LIPK: variants seen among roughly 807,000 people sequenced by gnomAD.
LIPK encodes the protein lipase family member K.
LIPK carries 32 observed loss-of-function variants against 48.6 expected under a neutral mutation model. That is an observed-to-expected ratio of 0.66 (90% confidence interval 0.50 to 0.88). The LOEUF (loss-of-function observed/expected upper bound fraction) is 0.88, where lower values mean the gene tolerates loss of function less well. Among genes scored for constraint, LIPK ranks in the 40% least tolerant of loss-of-function variants. The probability of loss-of-function intolerance (pLI) is 0.00; values close to 1 mark genes in which losing one functional copy is unlikely to be tolerated. For synonymous variants in LIPK, 164 were observed against 157.4 expected (o/e 1.04, Z -0.32); for missense variants, 507 against 478.5 (o/e 1.06, Z -0.56).
intron 9 of LIPK, among the ~76,000 whole-genome samples, chr10:88,748,288 G>A (rs1842804403): frequency 6.6e-6 from 1 of 152,108 alleles, no homozygotes; most frequent in South Asian, 2.1e-4. Context: ...GCGAGGGAAG[G>A]GAACTTAGAG....
At chr10:88,739,741 C>T (rs2134766500) in intron 7 of LIPK, among the ~76,000 whole-genome samples, 1 of 152,110 alleles carries the variant, frequency 6.6e-6, no homozygotes, top group South Asian at 2.1e-4. Flanking sequence ...CACCTGTAGT[C>T]CTAGCTACTC....
At chr10:88,731,242 C>T (rs1277196829) in intron 4 of LIPK, 61 bp downstream of exon 4, 1 of 1,302,846 alleles carries the variant, frequency 7.7e-7, no homozygotes, top group Non-Finnish European at 1.0e-6. Context: ...GTATGAACAC[C>T]TAGTGATTTT....
intron 6 of LIPK, among the ~76,000 whole-genome samples, chr10:88,732,965 G>T (rs1842498123): frequency 6.6e-6 from 1 of 152,164 alleles, no homozygotes; most frequent in African/African-American, 2.4e-5. Context: ...GGTAAATTTG[G>T]TCAAGACCTT....
At chr10:88,740,250 G>A (rs1037657660) in intron 8 of LIPK, among the ~76,000 whole-genome samples, 183 bp downstream of exon 8, 2 of 152,184 alleles carry the variant, frequency 1.3e-5, no homozygotes, top group African/African-American at 4.8e-5. Context: ...TGTCCTCAGT[G>A]TCTGGGTTTT....
intron 9 of LIPK, among the ~76,000 whole-genome samples, chr10:88,745,822 T>A (rs1361555403): frequency 6.6e-6 from 1 of 152,158 alleles, no homozygotes; most frequent in African/African-American, 2.4e-5. Context: ...TCACTTAAAA[T>A]GCAAAGAGTT....
intron 1 of LIPK, among the ~76,000 whole-genome samples, chr10:88,711,500 T>C (rs1038950208): frequency 1.3e-5 from 2 of 152,180 alleles, no homozygotes; most frequent in Non-Finnish European, 2.9e-5. Context: ...TTTGAGACAG[T>C]CTCACTCTAT....
intron 9 of LIPK, among the ~76,000 whole-genome samples, chr10:88,748,201 G>C (rs1347419664): frequency 6.6e-6 from 1 of 152,152 alleles, no homozygotes; most frequent in Admixed American, 6.5e-5. Flanking sequence ...ACTCATAAGT[G>C]GGAGTTGAAC....
At chr10:88,720,647 A>C (rs969230304) in intron 1 of LIPK, among the ~76,000 whole-genome samples, 5 of 152,168 alleles carry the variant, frequency 3.3e-5, no homozygotes, top group Non-Finnish European at 7.4e-5. Flanking sequence ...TATAGCATTT[A>C]TATAAGTGTA....
At chr10:88,744,133 CCCTGTCTGCTGG>C (rs374094864) in intron 9 of LIPK, among the ~76,000 whole-genome samples, 28 of 152,324 alleles carry the variant, frequency 1.8e-4, no homozygotes, top group African/African-American at 6.5e-4. Flanking sequence ...CTGAGCACAT[CCCTGTCTGCTGG>C]CCTTTCTCAG....
intron 1 of LIPK, among the ~76,000 whole-genome samples, chr10:88,711,348 T>C (rs1024435474): frequency 3.3e-5 from 5 of 152,214 alleles, no homozygotes; most frequent in Non-Finnish European, 7.3e-5. Context: ...AACGTATCAA[T>C]AATCTTACCT....
intron 6 of LIPK, among the ~76,000 whole-genome samples, chr10:88,733,193 T>C (rs1842503877): frequency 6.6e-6 from 1 of 152,246 alleles, no homozygotes; most frequent in African/African-American, 2.4e-5. Context: ...CCTGACACTT[T>C]ACAGGCTGTC....
chr10:88,749,883 G>T (rs1477508881), intron 9 of LIPK, among the ~76,000 whole-genome samples: 3 of 152,020 alleles, frequency 2.0e-5, no homozygotes, highest in African/African-American at 7.2e-5. Flanking sequence ...AAGAATAAGA[G>T]AAAACATTTT....
chr10:88,732,296 G>A lies in LIPK; in HGVS notation c.532+9G>A. The A allele has an allele frequency of 3.1e-6, 5 of 1,608,260 alleles. No homozygotes were observed. Among genetic ancestry groups the A allele is most frequent in the Non-Finnish European group, 4.2e-6 (5 of 1,176,960 alleles). On this transcript the variant is annotated intron_variant, in intron 5 of 9. Coordinates refer to ENST00000404190, the MANE Select transcript of LIPK (RefSeq NM_001080518.2). ...ACAAGGCACCACCATAGGTGTGTTT[G>A]GGGCAGATGTGATCAGAGAATGTCA...
chr10:88,741,201 TTTTA>T (rs1024061463), intron 8 of LIPK, among the ~76,000 whole-genome samples: 51 of 152,304 alleles, frequency 3.3e-4, no homozygotes, highest in African/African-American at 1.2e-3. Context: ...TAGCATATTC[TTTTA>T]TTTATTTATT....
chr10:88,732,048 A>G (rs1842477357), intron 4 of LIPK, 130 bp from the exon 5 acceptor site: 10 of 559,698 alleles, frequency 1.8e-5, no homozygotes, highest in Non-Finnish European at 3.1e-5. Context: ...TAGTTGCCTA[A>G]TATCATATAT....
At chr10:88,741,985 G>T (rs920068975) in intron 8 of LIPK, among the ~76,000 whole-genome samples, 2 of 152,178 alleles carry the variant, frequency 1.3e-5, no homozygotes, top group Non-Finnish European at 2.9e-5. Context: ...TGGCTAGGAG[G>T]CCTCAAGAAA....
In LIPK at chr10:88,752,518, T is replaced by C; in HGVS notation, c.962T>C (p.Leu321Pro). 2 of 1,539,946 alleles carry C rather than the reference T, an allele frequency of 1.3e-6. No homozygotes were observed. The highest frequency in any genetic ancestry group is 8.8e-7 in the Non-Finnish European group (1 of 1,134,636). ...CTCTCTCTCTTTTATTGTATTTAGC[T>C]TACACCTCCTTTATACAACATTACT... ...SDQNMMHFHQ[L>P]TPPLYNITKM... The change falls in exon 10 of 10, where the codon CTT becomes CCT. Residue 321 changes from leucine to proline, a missense_variant and splice_region_variant. Coordinates refer to ENST00000404190, the MANE Select transcript of LIPK (RefSeq NM_001080518.2).
chr10:88,743,579 C>G (rs996703491), intron 9 of LIPK, among the ~76,000 whole-genome samples: 1 of 151,234 alleles, frequency 6.6e-6, no homozygotes, highest in Non-Finnish European at 1.5e-5. Context: ...GAGTTATTCG[C>G]TAGTAAACAA....
chr10:88,722,985 G>C (rs572839083), intron 1 of LIPK, among the ~76,000 whole-genome samples: 2 of 141,958 alleles, frequency 1.4e-5, no homozygotes, highest in Admixed American at 7.8e-5. Flanking sequence ...CCTGGGCCCA[G>C]GTGATCCTCT....
Sources: gnomAD v4.1 joint callset for allele counts (sites outside exome capture counted in the v4.1 genomes callset) on GRCh38, gnomAD v4.1.1 for gene constraint, MANE v1.5 for transcripts, NCBI Gene and HGNC (gene_info 2026-07-23, HGNC 2026-07-21) for gene names.